SNX29: variants seen among roughly 807,000 people sequenced by gnomAD.
SNX29 encodes sorting nexin 29.
In SNX29, 78 loss-of-function variants were observed where a neutral mutation model predicts 102.1. The ratio of observed to expected loss-of-function variants is 0.76; its 90% confidence interval spans 0.64 to 0.92. The LOEUF is 0.92. Ranked by LOEUF, SNX29 falls within the 40% of genes least tolerant of loss-of-function variation. The probability of loss-of-function intolerance (pLI) is 0.00; values close to 1 mark genes in which losing one functional copy is unlikely to be tolerated. For synonymous variants in SNX29, 580 were observed against 414.5 expected, an observed-to-expected ratio of 1.40 and a Z score of -4.85; for missense variants, 1,280 against 1,061.7, an observed-to-expected ratio of 1.21 and a Z score of -2.86.
chr16:12,043,183 G>C (rs1314172933), intron 5 of SNX29, 106 bp downstream of exon 5: 6 of 1,417,200 alleles, frequency 4.2e-6, no homozygotes, highest in East Asian at 2.5e-5. Flanking sequence ...CGATCTGGGG[G>C]AAGTGGGCCT....
intron 12 of SNX29, among the ~76,000 whole-genome samples, 174 bp downstream of exon 12, chr16:12,126,870 C>G (rs1225208475): frequency 6.6e-6 from 1 of 152,188 alleles, no homozygotes; most frequent in Non-Finnish European, 1.5e-5. Flanking sequence ...TGGTATCTCT[C>G]TTTTGCCTGA....
In SNX29 at chr16:12,540,010, G is replaced by A. The variant is rs146991776; in HGVS notation, c.2318+15169G>A. Among the ~76,000 whole-genome samples the A allele has an allele frequency of 2.7e-3, 409 of 152,198 alleles. 1 individual carries two copies. The highest frequency in any genetic ancestry group is 6.8e-3 in the Middle Eastern group (2 of 294). ...CTTCAGCTTCTTTTCAGTGTCTTTTGCATGACACCTTTTTAATTTTGATGA... is the reference window on the plus strand; with the variant it reads ...CTTCAGCTTCTTTTCAGTGTCTTTTACATGACACCTTTTTAATTTTGATGA... On this transcript the variant is annotated intron_variant, in intron 20 of 20. Coordinates refer to ENST00000566228, the MANE Select transcript of SNX29 (RefSeq NM_032167.5).
At chr16:12,137,644 G>A (rs1415086628) in intron 13 of SNX29, among the ~76,000 whole-genome samples, 1 of 152,184 alleles carries the variant, frequency 6.6e-6, no homozygotes. Context: ...CTGAGGGTCA[G>A]CCTCTGCCTT....
chr16:12,256,581 GC>G (rs1263050768), intron 14 of SNX29, among the ~76,000 whole-genome samples: 2 of 152,174 alleles, frequency 1.3e-5, no homozygotes, highest in East Asian at 3.8e-4. Context: ...GCCTGCTTCG[GC>G]CCCCAAAGTG....
Position 12,568,997 on chromosome 16 carries a change from T to G in SNX29, c.*368T>G. 1 of 290,862 alleles carries G rather than the reference T, an allele frequency of 3.4e-6. No homozygotes were observed. The allele number at this position is 290,862 out of a possible 1,614,324, so 18.0% of individuals were successfully genotyped here. A position where few individuals can be genotyped will look rare whatever the true frequency, so the allele number is the denominator to read the frequency against. On this transcript the variant is annotated 3_prime_UTR_variant, in exon 21 of 21. Coordinates refer to ENST00000566228, the MANE Select transcript of SNX29 (RefSeq NM_032167.5). ...GTTGAGAGGCAAAGGTGATCCCCTA[T>G]ATAGGAAGGTTCATGCAGAGCCAGC...
intron 16 of SNX29, among the ~76,000 whole-genome samples, chr16:12,379,091 C>A (rs372584073): frequency 1.6e-4 from 24 of 152,288 alleles, no homozygotes; most frequent in African/African-American, 5.8e-4. Flanking sequence ...GACAGCCATA[C>A]TCCACTCCTG....
intron 13 of SNX29, among the ~76,000 whole-genome samples, chr16:12,142,557 A>ATTGT (rs372632177): frequency 7.0e-4 from 107 of 151,982 alleles, no homozygotes; most frequent in Non-Finnish European, 9.4e-4. Context: ...AACGATTGAT[A>ATTGT]TTGTTTGTTT....
intron 15 of SNX29, among the ~76,000 whole-genome samples, chr16:12,326,401 G>A (rs1475861967): frequency 6.6e-6 from 1 of 150,608 alleles, no homozygotes; most frequent in Admixed American, 6.7e-5. Flanking sequence ...GTTGAACCAG[G>A]TGGGCATGGC....
chr16:12,424,874 G>C (rs1415035607), intron 18 of SNX29, among the ~76,000 whole-genome samples: 1 of 152,218 alleles, frequency 6.6e-6, no homozygotes, highest in Non-Finnish European at 1.5e-5. Context: ...ATTACAGTCT[G>C]TAGTGAGGAG....
chr16:12,304,333 C>T (rs913555999), intron 15 of SNX29, among the ~76,000 whole-genome samples: 2 of 152,184 alleles, frequency 1.3e-5, no homozygotes, highest in South Asian at 2.1e-4. Context: ...AGCGCAATGG[C>T]GAGATCTTGG....
chr16:12,011,083 C>A (rs988718092), intron 3 of SNX29, among the ~76,000 whole-genome samples: 1 of 151,972 alleles, frequency 6.6e-6, no homozygotes, highest in African/African-American at 2.4e-5. Flanking sequence ...TTGGACTCTC[C>A]CCCTCCCTTA....
chr16:12,365,132 C>T (rs2082423463), intron 16 of SNX29, among the ~76,000 whole-genome samples: 1 of 152,178 alleles, frequency 6.6e-6, no homozygotes, highest in Non-Finnish European at 1.5e-5. Context: ...CATACCACCA[C>T]ACTGCTCACT....
intron 11 of SNX29, 145 bp from the exon 12 acceptor site, chr16:12,126,488 A>C: frequency 1.3e-6 from 1 of 770,556 alleles, no homozygotes; most frequent in Non-Finnish European, 2.1e-6. Flanking sequence ...CGAGTCTCTT[A>C]GACTGTTATA....
chr16:12,305,321 G>T (rs1024439088), intron 15 of SNX29, among the ~76,000 whole-genome samples: 1 of 152,214 alleles, frequency 6.6e-6, no homozygotes, highest in Non-Finnish European at 1.5e-5. Flanking sequence ...CCCCGGCCAC[G>T]GAGTGGTATC....
At chr16:12,334,653 A>G (rs2151227809) in intron 15 of SNX29, among the ~76,000 whole-genome samples, 1 of 152,274 alleles carries the variant, frequency 6.6e-6, no homozygotes, top group South Asian at 2.1e-4. Context: ...ATTTATTGAC[A>G]ATGCTGAACA....
intron 18 of SNX29, among the ~76,000 whole-genome samples, chr16:12,434,686 C>T (rs1355273030): frequency 2.6e-5 from 4 of 152,140 alleles, no homozygotes; most frequent in Non-Finnish European, 5.9e-5. Context: ...TGGGGGCTTT[C>T]TTAACTTCCT....
intron 20 of SNX29, among the ~76,000 whole-genome samples, chr16:12,543,413 A>C (rs962398888): frequency 3.9e-5 from 6 of 152,180 alleles, no homozygotes; most frequent in African/African-American, 1.4e-4. Context: ...CGATTCACTG[A>C]AAGGAGAGAA....
chr16:12,454,124 G>A (rs1348244091), intron 18 of SNX29, among the ~76,000 whole-genome samples: 2 of 152,296 alleles, frequency 1.3e-5, no homozygotes, highest in African/African-American at 2.4e-5. Context: ...CAGAAAGGCT[G>A]CTTATACCTC....
At chr16:12,491,238 C>T (rs936894200) in intron 19 of SNX29, among the ~76,000 whole-genome samples, 1 of 152,214 alleles carries the variant, frequency 6.6e-6, no homozygotes, top group Admixed American at 6.5e-5. Context: ...TCCTTGTACA[C>T]GTCTTGGTAT....
Sources: allele counts gnomAD v4.1 joint callset (sites outside exome capture counted in the v4.1 genomes callset), GRCh38; gene constraint gnomAD v4.1.1; transcripts MANE v1.5; gene names NCBI Gene and HGNC (gene_info 2026-07-23, HGNC 2026-07-21).